The following ADAMTS15 variants were observed in gnomAD, a reference collection of about 807,000 sequenced individuals.
The protein encoded by ADAMTS15 is ADAM metallopeptidase with thrombospondin type 1 motif 15.
A neutral mutation model predicts 79.1 loss-of-function variants in ADAMTS15; 35 were observed. The ratio of observed to expected loss-of-function variants is 0.44; its 90% confidence interval spans 0.34 to 0.59. The LOEUF is 0.59. ADAMTS15 is among the 20% of genes least tolerant of loss of function. The pLI is 0.02. For missense variants in ADAMTS15, 1,324 were observed against 1,318.7 expected, an observed-to-expected ratio of 1.00 and a Z score of -0.06; for synonymous variants, 616 against 567.3, an observed-to-expected ratio of 1.09 and a Z score of -1.22.
chr11:130,473,387 G>A lies in ADAMTS15; in HGVS notation c.2419G>A (p.Asp807Asn), dbSNP rs1403862127. The change falls in exon 8 of 8, where the codon GAC (aspartate) becomes AAC (asparagine). Residue 807 changes from aspartate to asparagine, a missense_variant. Physicochemically the swap from Asp to Asn is conservative, Grantham distance 23. Transcript: ENST00000299164. ...CTATCTGCCCAAAGAGCCTCGGGAGGACAAGTCCTCTCATCCCAAGGACCC... is the reference window on the plus strand; with the variant it reads ...CTATCTGCCCAAAGAGCCTCGGGAGAACAAGTCCTCTCATCCCAAGGACCC... Reference protein sequence around the residue: ...SFYLPKEPREDKSSHPKDPRG... With the variant: ...SFYLPKEPRENKSSHPKDPRG... 1 of 1,612,824 alleles carries A rather than the reference G, an allele frequency of 6.2e-7. No individual in the cohort carries two copies. Among genetic ancestry groups the A allele is most frequent in the East Asian group, 2.2e-5 (1 of 44,870 alleles).
intron 5 of ADAMTS15, among the ~76,000 whole-genome samples, chr11:130,470,161 T>TATATAC (rs1380086765): frequency 3.7e-4 from 20 of 54,410 alleles, no homozygotes; most frequent in African/African-American, 2.0e-3. Context: ...TGTGTATATA[T>TATATAC]ATATATATAT....
chr11:130,463,567 C>T (rs116911960), intron 4 of ADAMTS15, among the ~76,000 whole-genome samples: 3,995 of 152,214 alleles, frequency 0.026, 88 homozygotes, highest in Middle Eastern at 0.061. Context: ...AGCTCGGGGA[C>T]GACTTGCCTC....
intron 6 of ADAMTS15, 52 bp downstream of exon 6, chr11:130,471,153 G>T: frequency 2.5e-6 from 4 of 1,591,850 alleles, no homozygotes; most frequent in Non-Finnish European, 3.4e-6. Flanking sequence ...CTTCCGGGGA[G>T]CATCAGCTGA....
intron 4 of ADAMTS15, among the ~76,000 whole-genome samples, chr11:130,468,966 A>G (rs1271273): frequency 2.0e-5 from 3 of 148,396 alleles, no homozygotes; most frequent in Non-Finnish European, 4.5e-5. Flanking sequence ...AAAAAAAAAA[A>G]GGAAAACACA....
intron 1 of ADAMTS15, chr11:130,450,187 C>T (rs1043522638): frequency 1.0e-6 from 1 of 985,368 alleles, no homozygotes; most frequent in Non-Finnish European, 1.2e-6. Flanking sequence ...CCAATCAGCG[C>T]CTCCTGGATC....
At chr11:130,460,705 C>G (rs926849633) in intron 1 of ADAMTS15, among the ~76,000 whole-genome samples, 7 of 152,204 alleles carry the variant, frequency 4.6e-5, no homozygotes, top group African/African-American at 1.7e-4. Flanking sequence ...GAGATATCCA[C>G]CCCGGAAGCC....
chr11:130,455,609 G>A (rs550643902), intron 1 of ADAMTS15, among the ~76,000 whole-genome samples: 4 of 152,296 alleles, frequency 2.6e-5, no homozygotes, highest in African/African-American at 7.2e-5. Context: ...CTTTTGAGGC[G>A]GTCAGGCTGC....
At chr11:130,465,582 CT>C (rs1401414933) in intron 4 of ADAMTS15, among the ~76,000 whole-genome samples, 1 of 152,206 alleles carries the variant, frequency 6.6e-6, no homozygotes. Context: ...CATCTTCCCA[CT>C]TTTCTCTGCT....
chr11:130,472,318 T>C lies in ADAMTS15; in HGVS notation c.2079-729T>C, dbSNP rs1404262374. On this transcript the variant is annotated intron_variant, in intron 7 of 7. Coordinates refer to ENST00000299164, the MANE Select transcript of ADAMTS15 (RefSeq NM_139055.4). The surrounding 1 kb of genome is among the most constrained non-coding windows in gnomAD (Gnocchi z 4.7). ...AAGGGAGGATGCCCAGCCCTGTCTC[T>C]GGGAGCTCGGGCACCAGGGACGGAT... 6.6e-6 allele frequency among the ~76,000 whole-genome samples: 1 copy of C among 152,154 alleles called. No individual in the cohort carries two copies. The highest frequency in any genetic ancestry group is 1.5e-5 in the Non-Finnish European group (1 of 68,018).
intron 1 of ADAMTS15, 83 bp downstream of exon 1, chr11:130,450,013 A>G (rs1937929995): frequency 6.5e-7 from 1 of 1,541,332 alleles, no homozygotes; most frequent in Non-Finnish European, 8.7e-7. Flanking sequence ...TCCCCTTTGT[A>G]TCGTGCAATG....
intron 1 of ADAMTS15, among the ~76,000 whole-genome samples, chr11:130,452,142 T>TAGA (rs1283468109): frequency 1.3e-5 from 2 of 151,794 alleles, no homozygotes; most frequent in African/African-American, 2.4e-5. Context: ...TGGGGGAAGG[T>TAGA]ACAGTATTTG....
intron 1 of ADAMTS15, among the ~76,000 whole-genome samples, chr11:130,455,172 G>T (rs1938050939): frequency 6.6e-6 from 1 of 152,218 alleles, no homozygotes; most frequent in Non-Finnish European, 1.5e-5. Context: ...CTGTTGCACA[G>T]ATAAGTGTTA....
intron 1 of ADAMTS15, among the ~76,000 whole-genome samples, chr11:130,460,510 C>T (rs182990274): frequency 6.6e-6 from 1 of 152,232 alleles, no homozygotes; most frequent in East Asian, 1.9e-4. Context: ...CTCCTGACTT[C>T]AGGTGATTCA....
chr11:130,459,852 CT>C (rs1565393417), intron 1 of ADAMTS15, among the ~76,000 whole-genome samples: 1 of 152,264 alleles, frequency 6.6e-6, no homozygotes, highest in African/African-American at 2.4e-5. Context: ...CCCATGCCCC[CT>C]GGCTCCTGGC....
In ADAMTS15 at chr11:130,449,541, C is replaced by T; in HGVS notation, c.568C>T (p.Pro190Ser). The T allele has an allele frequency of 1.3e-6, 2 of 1,576,866 alleles. No homozygotes were observed. The highest frequency in any genetic ancestry group is 1.3e-5 in the African/African-American group (1 of 74,568). The change falls in exon 1 of 8, where the codon CCT becomes TCT. Residue 190 changes from proline to serine, a missense_variant. By Grantham distance (74) the Pro-to-Ser change is moderately conservative. Coordinates refer to ENST00000299164, the MANE Select transcript of ADAMTS15 (RefSeq NM_139055.4). This position sits in a 1 kb window ranked among gnomAD's most constrained non-coding sequence, Gnocchi z 7.8. ...CCCCGCCATCCTACGGGCCCTGGAC[C>T]CTTACAAGCCGCGGCGGGCGGGCTT... ...WNPAILRALD[P>S]YKPRRAGFGE...
chr11:130,456,572 TG>T (rs1437978782), intron 1 of ADAMTS15, among the ~76,000 whole-genome samples: 22 of 152,318 alleles, frequency 1.4e-4, no homozygotes, highest in African/African-American at 5.1e-4. Flanking sequence ...GGAAATACAG[TG>T]ATGCATGGCA....
In ADAMTS15 at chr11:130,460,881, G is replaced by A. The variant is rs570984516; in HGVS notation, c.958-608G>A. 9.2e-5 allele frequency among the ~76,000 whole-genome samples: 14 copies of A among 152,288 alleles called. 1 individual carries two copies. Among genetic ancestry groups the A allele is most frequent in the Admixed American group, 5.2e-4 (8 of 15,302 alleles). On this transcript the variant is annotated intron_variant, in intron 1 of 7. Transcript: ENST00000299164. ...TCTTTCTTCCTAGCAGCCACTGAGC[G>A]TGTGTCCCCTTGAGCTTCTGTAGCC...
chr11:130,468,378 C>T (rs945623744), intron 4 of ADAMTS15, among the ~76,000 whole-genome samples: 1 of 152,142 alleles, frequency 6.6e-6, no homozygotes, highest in African/African-American at 2.4e-5. Flanking sequence ...CGCCTGTAAT[C>T]CCAGCACTTT....
At chr11:130,464,892 G>T (rs1431233846) in intron 4 of ADAMTS15, among the ~76,000 whole-genome samples, 1 of 151,738 alleles carries the variant, frequency 6.6e-6, no homozygotes, top group Non-Finnish European at 1.5e-5. Flanking sequence ...GCTTGAACAC[G>T]GGAGGCAGAG....
Sources: gnomAD v4.1 joint callset for allele counts (sites outside exome capture counted in the v4.1 genomes callset) on GRCh38, gnomAD v4.1.1 for gene constraint, Gnocchi (gnomAD v3.1) non-coding constraint, MANE v1.5 for transcripts, NCBI Gene and HGNC (gene_info 2026-07-23, HGNC 2026-07-21) for gene names.